Variants in PTPRJ observed in about 807,000 individuals in gnomAD.
PTPRJ encodes protein tyrosine phosphatase receptor type J, also known as receptor-type tyrosine-protein phosphatase eta.
In PTPRJ, 129 loss-of-function variants were observed where a neutral mutation model predicts 141.3. That is an observed-to-expected ratio of 0.91 (90% CI 0.79 to 1.06). The LOEUF is 1.06. Ranked by LOEUF, PTPRJ falls within the 50% of genes least tolerant of loss-of-function variation. PTPRJ has a pLI of 0.00. For synonymous variants in PTPRJ, 610 were observed against 640.5 expected (o/e 0.95, Z 0.72); for missense variants, 1,601 against 1,679.7 (o/e 0.95, Z 0.82).
rs185115889 is a variant in PTPRJ, at chr11:48,041,650, C to T, written c.96+60642C>T. Among the ~76,000 whole-genome samples the T allele has an allele frequency of 2.4e-3, 366 of 152,062 alleles. 2 individuals carry two copies. Among genetic ancestry groups the T allele is most frequent in the African/African-American group, 8.2e-3 (340 of 41,468 alleles). On this transcript the variant is annotated intron_variant, in intron 1 of 24. Coordinates refer to ENST00000418331, the MANE Select transcript of PTPRJ (RefSeq NM_002843.4). The stretch of plus-strand genomic sequence containing the variant: ...TTTTAATTAATATTTTTTGAGTCAG[C>T]GTCTTGCTTTGTCACCCAGGCTGGA...
At position 48,112,017 on chromosome 11, in the gene PTPRJ, C is replaced by T. The variant is rs114747832; in HGVS notation, c.116-730C>T. 5.2e-3 allele frequency among the ~76,000 whole-genome samples: 791 copies of T among 152,108 alleles called. 10 individuals are homozygous for T. Among genetic ancestry groups the T allele is most frequent in the African/African-American group, 0.018 (749 of 41,472 alleles). ...TCCCTGCTGTAGTTGCTGGATCCAG[C>T]GGTGAATGTTCTGAGCTGTGATCCT... On this transcript the variant is annotated intron_variant, in intron 2 of 24. Transcript: ENST00000418331.
rs35405916 is a variant in PTPRJ at position 48,069,445 on chromosome 11, A to ATTTTTTTTTTTTTTT, written c.97-40606_97-40592dup. Among the ~76,000 whole-genome samples, 3 of 121,322 alleles carry ATTTTTTTTTTTTTTT rather than the reference A, an allele frequency of 2.5e-5. 1 individual carries two copies. 79.6% of individuals were successfully genotyped at this position (121,322 alleles called of 152,430 possible). A position where few individuals can be genotyped will look rare whatever the true frequency, so the allele number is the denominator to read the frequency against. ...GGCTGTGATAAAAACTACATTGATA[A>ATTTTTTTTTTTTTTT]TTTTTTTTTTTTTTTTTTTTTGGAG... On this transcript the variant is annotated intron_variant, in intron 1 of 24. Transcript: ENST00000418331.
Position 48,121,211 on chromosome 11 carries a change from T to C in PTPRJ, c.561T>C (p.Thr187=), listed in dbSNP as rs747880820. The change falls in exon 4 of 25, where the codon ACT becomes ACC. Residue 187 remains threonine, a synonymous_variant. Coordinates refer to ENST00000418331, the MANE Select transcript of PTPRJ (RefSeq NM_002843.4). ...RPATSYVFSI[T]PGIGNETWGD... is the part of the protein sequence containing the mutation. Reference sequence around the variant, plus strand: ...CGACTTCATATGTATTCTCCATCACTCCAGGAATAGGCAATGAGACTTGGG... The same window carrying C: ...CGACTTCATATGTATTCTCCATCACCCCAGGAATAGGCAATGAGACTTGGG... 6.2e-7 allele frequency: 1 copy of C among 1,614,132 alleles called. No individual in the cohort carries two copies. Among genetic ancestry groups the C allele is most frequent in the South Asian group, 1.1e-5 (1 of 91,086 alleles).
At chr11:48,053,337 T>C (rs1375885807) in intron 1 of PTPRJ, among the ~76,000 whole-genome samples, 3 of 92,648 alleles carry the variant, frequency 3.2e-5, no homozygotes, top group East Asian at 5.0e-4. Flanking sequence ...TATTAATATA[T>C]TATATATTAT....
In PTPRJ at chr11:48,040,633, C is replaced by T. The variant is rs73464840; in HGVS notation, c.96+59625C>T. ...TCTTCTTTTTTTTTTTTTTTTGAGA[C>T]GGAGTCTTTCCAGGCTGGAGTGCGA... is the stretch of plus-strand genomic sequence containing the variant. On this transcript the variant is annotated intron_variant, in intron 1 of 24. Transcript: ENST00000418331. Among the ~76,000 whole-genome samples, 701 of 130,822 alleles carry T rather than the reference C, an allele frequency of 5.4e-3. 6 individuals carry two copies. Among genetic ancestry groups the T allele is most frequent in the African/African-American group, 0.024 (656 of 27,116 alleles). The allele number at this position is 130,822 out of a possible 152,430, so 85.8% of individuals were successfully genotyped here. A position where few individuals can be genotyped will look rare whatever the true frequency, so the allele number is the denominator to read the frequency against.
At chr11:48,079,880 C>T (rs922714451) in intron 1 of PTPRJ, among the ~76,000 whole-genome samples, 4 of 152,094 alleles carry the variant, frequency 2.6e-5, no homozygotes, top group Admixed American at 2.6e-4. Context: ...ACTGAACTCT[C>T]TAAATGTTAA....
chr11:48,143,026 G>A lies in PTPRJ; in HGVS notation c.2551G>A (p.Ala851Thr), dbSNP rs763269258. ...CAGCCACGGACCCATCAAAGCCTAT[G>A]CTGTCATTCTCACCACCGGGGAAGG... The part of the protein sequence containing the change: ...EASHGPIKAY[A>T]VILTTGEAGH... The change falls in exon 12 of 25, where the codon GCT becomes ACT. Residue 851 changes from alanine (A) to threonine (T), a missense_variant. Ala to Thr is a moderately conservative substitution (Grantham distance 58). Coordinates refer to ENST00000418331, the MANE Select transcript of PTPRJ (RefSeq NM_002843.4). 4 of 1,614,172 alleles carry A rather than the reference G, an allele frequency of 2.5e-6. No homozygotes were observed. The South Asian group carries it at 4.4e-5, about 18-fold the overall frequency.
chr11:48,063,093 C>T (rs1027424115), intron 1 of PTPRJ, among the ~76,000 whole-genome samples: 20 of 152,068 alleles, frequency 1.3e-4, no homozygotes, highest in Non-Finnish European at 2.2e-4. Context: ...TTTGGGAGGC[C>T]GAGGTGGGTG....
At chr11:48,139,921 G>A in intron 11 of PTPRJ, 145 bp downstream of exon 11, 1 of 856,386 alleles carries the variant, frequency 1.2e-6, no homozygotes, top group South Asian at 1.9e-5. Flanking sequence ...GACATAGACT[G>A]GTTTCTCATT....
At chr11:48,154,010 A>T in intron 19 of PTPRJ, 124 bp downstream of exon 19, 1 of 714,394 alleles carries the variant, frequency 1.4e-6, no homozygotes, top group South Asian at 1.5e-5. Context: ...TTAGTCACCT[A>T]CTTCCACAAC....
At position 48,146,767 on chromosome 11, in the gene PTPRJ, G is replaced by A. The variant is rs547169563; in HGVS notation, c.2912-109G>A. 93 of 791,610 alleles carry A rather than the reference G, an allele frequency of 1.2e-4. 1 individual carries two copies. In the South Asian group the frequency reaches 1.2e-3, roughly 10 times the overall value. The allele number at this position is 791,610 out of a possible 1,614,324, so 49.0% of individuals were successfully genotyped here. ...TGTGTGTGCATGCATGTGTGTGTAT[G>A]GTATACACACTTTAACTCTCTGGTG... is the stretch of plus-strand genomic sequence containing the variant. On this transcript the variant is annotated intron_variant, in intron 14 of 24. Transcript: ENST00000418331.
At chr11:48,088,316 C>T (rs1465132374) in intron 1 of PTPRJ, among the ~76,000 whole-genome samples, 1 of 152,216 alleles carries the variant, frequency 6.6e-6, no homozygotes, top group African/African-American at 2.4e-5. Flanking sequence ...TGCAGACATT[C>T]TCATGACATC....
At chr11:48,003,444 T>C (rs1228038) in intron 1 of PTPRJ, among the ~76,000 whole-genome samples, 10,165 of 152,148 alleles carry the variant, frequency 0.067, 1,098 homozygotes, top group African/African-American at 0.23. Flanking sequence ...TGTTTCATTA[T>C]GTCCGTCCCA....
intron 3 of PTPRJ, among the ~76,000 whole-genome samples, chr11:48,119,673 G>A (rs939470356): frequency 6.6e-6 from 1 of 152,192 alleles, no homozygotes; most frequent in African/African-American, 2.4e-5. Context: ...CAAAGTGCTG[G>A]GATTACAGGC....
At chr11:48,155,731 TTC>T in intron 19 of PTPRJ, 68 bp from the exon 20 acceptor site, 1 of 1,334,066 alleles carries the variant, frequency 7.5e-7, no homozygotes, top group South Asian at 1.3e-5. Flanking sequence ...TCATTTTTTT[TTC>T]TGTTTTGTGT....
rs1160281698 is a variant in PTPRJ, at chr11:48,158,252, GAC to G, written c.3439-1676_3439-1675del. On this transcript the variant is annotated intron_variant, in intron 21 of 24. Coordinates refer to ENST00000418331, the MANE Select transcript of PTPRJ (RefSeq NM_002843.4). The surrounding 1 kb of genome is among the most constrained non-coding windows in gnomAD (Gnocchi z 4.4). ...AACATTCTTATAAATCTATCTGTTA[GAC>G]AAACAAAAATGACATAATTACATTA... Among the ~76,000 whole-genome samples the G allele has an allele frequency of 6.6e-6, 1 of 152,160 alleles. No individual in the cohort carries two copies. Among genetic ancestry groups the G allele is most frequent in the Non-Finnish European group, 1.5e-5 (1 of 68,024 alleles).
chr11:48,104,094 T>A (rs61915878), intron 1 of PTPRJ, among the ~76,000 whole-genome samples: 4,653 of 152,322 alleles, frequency 0.031, 109 homozygotes, highest in Non-Finnish European at 0.046. Context: ...AGCCGGCCTG[T>A]TCTCATCTTG....
intron 8 of PTPRJ, among the ~76,000 whole-genome samples, chr11:48,135,814 A>T (rs770856551): frequency 9.2e-5 from 14 of 152,210 alleles, no homozygotes; most frequent in Non-Finnish European, 1.8e-4. Flanking sequence ...AAAAAACTGG[A>T]GAACTGGTAA....
intron 24 of PTPRJ, 69 bp downstream of exon 24, chr11:48,164,584 T>TTTTTTG (rs1236670079): frequency 1.2e-6 from 1 of 855,816 alleles, no homozygotes; most frequent in Non-Finnish European, 1.7e-6. Context: ...TTTTTTTTTT[T>TTTTTTG]GAGACGGAGT....
Sources: allele counts gnomAD v4.1 joint callset (sites outside exome capture counted in the v4.1 genomes callset), GRCh38; gene constraint gnomAD v4.1.1; non-coding constraint Gnocchi (gnomAD v3.1); transcripts MANE v1.5; gene names NCBI Gene and HGNC (gene_info 2026-07-23, HGNC 2026-07-21).